ANKRD55: variants seen among roughly 807,000 people sequenced by gnomAD.
ANKRD55 encodes ankyrin repeat domain 55.
In ANKRD55, 41 loss-of-function variants were observed where a neutral mutation model predicts 60.6. The observed-to-expected ratio is 0.68, with a 90% CI of 0.53 to 0.88. The LOEUF (loss-of-function observed/expected upper bound fraction) is 0.88. Among genes scored for constraint, ANKRD55 ranks in the 40% least tolerant of loss-of-function variants. ANKRD55 has a pLI of 0.00. For missense variants in ANKRD55, 732 were observed against 767.6 expected (o/e 0.95, Z 0.55); for synonymous variants, 264 against 290.3 (o/e 0.91, Z 0.92).
chr5:56,153,564 G>T lies in ANKRD55; in HGVS notation c.483+6269C>A, dbSNP rs372316596. ...TTAAAAGGAATGAGCCACAGGCTGG[G>T]TGCCGTGGCTCACGCCTGTAATCCC... is the stretch of plus-strand genomic sequence containing the variant. On this transcript the variant is annotated intron_variant, in intron 6 of 11. Transcript: ENST00000341048. Among the ~76,000 whole-genome samples the T allele has an allele frequency of 2.8e-3, 425 of 152,312 alleles. 3 individuals are homozygous for T. Among genetic ancestry groups the T allele is most frequent in the African/African-American group, 1.0e-2 (414 of 41,564 alleles).
At chr5:56,129,026 A>G (rs747757759) in intron 7 of ANKRD55, among the ~76,000 whole-genome samples, 2 of 152,220 alleles carry the variant, frequency 1.3e-5, no homozygotes, top group South Asian at 2.1e-4. Context: ...AGTTTCTCCT[A>G]GTAAGGTTTC....
chr5:56,139,085 C>CGG (rs70995775), intron 7 of ANKRD55, among the ~76,000 whole-genome samples: 64 of 89,732 alleles, frequency 7.1e-4, no homozygotes, highest in East Asian at 3.4e-3. Context: ...GTCAGTGGGG[C>CGG]GGGGGGGCAG....
Position 56,143,793 on chromosome 5 carries a change from T to G in ANKRD55, c.612+8A>C. The G allele has an allele frequency of 6.2e-7, 1 of 1,614,192 alleles. No homozygotes were observed. Among genetic ancestry groups the G allele is most frequent in the South Asian group, 1.1e-5 (1 of 91,068 alleles). On this transcript the variant is annotated splice_region_variant and intron_variant, in intron 7 of 11. Transcript: ENST00000341048. ...AACCTGAGACCAGTCCACAGGTCAA[T>G]TTCTCACCTGGACTGCCCAGTGGAG...
rs1757503283 is a variant in ANKRD55 at position 56,134,506 on chromosome 5, G to C, written c.613-7400C>G. On this transcript the variant is annotated intron_variant, in intron 7 of 11. Transcript: ENST00000341048. ...GGGCAAGAGAATTGCTTGAACCCGG[G>C]AGTTGGAGGTTGCAGTGAGCCGAGA... Among the ~76,000 whole-genome samples, 2 of 119,390 alleles carry C rather than the reference G, an allele frequency of 1.7e-5. 1 individual carries two copies. The highest frequency in any genetic ancestry group is 5.6e-5 in the African/African-American group (2 of 35,964). 78.3% of individuals were successfully genotyped at this position (119,390 alleles called of 152,430 possible). A position where few individuals can be genotyped will look rare whatever the true frequency, so the allele number is the denominator to read the frequency against.
chr5:56,110,254 C>A (rs946017492), intron 10 of ANKRD55, among the ~76,000 whole-genome samples: 3 of 149,614 alleles, frequency 2.0e-5, no homozygotes, highest in Admixed American at 2.0e-4. Context: ...AAAAAAATAG[C>A]CAGATGTAGC....
At chr5:56,225,683 A>G (rs897793479) in intron 2 of ANKRD55, among the ~76,000 whole-genome samples, 2 of 152,206 alleles carry the variant, frequency 1.3e-5, no homozygotes, top group African/African-American at 2.4e-5. Context: ...ATTCTTATAC[A>G]CCAACAACAG....
rs71602938 is a variant in ANKRD55 at position 56,106,420 on chromosome 5, C to CTTTTTTTTTTTTTTTTTTTTT, written c.1631-3855_1631-3835dup. On this transcript the variant is annotated intron_variant, in intron 10 of 11. Coordinates refer to ENST00000341048, the MANE Select transcript of ANKRD55 (RefSeq NM_024669.3). Reference sequence around the variant, plus strand: ...AATAAAATCCGTAAGGCTAGGAAAGCTTTTTTTTTTTTTTTTTTTTTTTGA... The same window carrying CTTTTTTTTTTTTTTTTTTTTT: ...AATAAAATCCGTAAGGCTAGGAAAGCTTTTTTTTTTTTTTTTTTTTTTTTTTTTTTTTTTTTTTTTTTTTGA... 8.0e-4 allele frequency among the ~76,000 whole-genome samples: 78 copies of CTTTTTTTTTTTTTTTTTTTTT among 96,912 alleles called. 9 individuals carry two copies. The highest frequency in any genetic ancestry group is 3.6e-3 in the African/African-American group (61 of 17,136). 63.6% of individuals were successfully genotyped at this position (96,912 alleles called of 152,430 possible).
At chr5:56,179,768 C>T (rs889104272) in intron 3 of ANKRD55, among the ~76,000 whole-genome samples, 1 of 152,154 alleles carries the variant, frequency 6.6e-6, no homozygotes, top group South Asian at 2.1e-4. Context: ...GAAACTTAGC[C>T]ACTTCGAGAC....
chr5:56,105,682 T>G (rs1756439446), intron 10 of ANKRD55, among the ~76,000 whole-genome samples: 1 of 152,196 alleles, frequency 6.6e-6, no homozygotes, highest in African/African-American at 2.4e-5. Flanking sequence ...CCGTGAGGTC[T>G]GACCATGCCG....
In ANKRD55 at chr5:56,143,259, T is replaced by C. The variant is rs1757816483; in HGVS notation, c.612+542A>G. On this transcript the variant is annotated intron_variant, in intron 7 of 11. Coordinates refer to ENST00000341048, the MANE Select transcript of ANKRD55 (RefSeq NM_024669.3). Reference sequence around the variant, plus strand: ...TCGGTTACACATTAGTGATTATTATTCTTTCACCTTACTCTTGGTTTTGCC... The same window carrying C: ...TCGGTTACACATTAGTGATTATTATCCTTTCACCTTACTCTTGGTTTTGCC... Among the ~76,000 whole-genome samples, 5 of 152,350 alleles carry C rather than the reference T, an allele frequency of 3.3e-5. No individual in the cohort carries two copies. In the South Asian group the frequency reaches 1.0e-3, roughly 32 times the overall value.
chr5:56,219,846 T>G lies in ANKRD55; in HGVS notation c.58+13010A>C, dbSNP rs75611225. Among the ~76,000 whole-genome samples the G allele has an allele frequency of 6.7e-3, 1,021 of 152,360 alleles. 7 individuals are homozygous for G. The highest frequency in any genetic ancestry group is 0.024 in the African/African-American group (999 of 41,588). On this transcript the variant is annotated intron_variant, in intron 2 of 11. Coordinates refer to ENST00000341048, the MANE Select transcript of ANKRD55 (RefSeq NM_024669.3). Reference sequence around the variant, plus strand: ...TTGTAATAAAAAAACAGCTACAAGCTTATTGTAGTTTCTTTTAGATTCCAT... The same window carrying G: ...TTGTAATAAAAAAACAGCTACAAGCGTATTGTAGTTTCTTTTAGATTCCAT...
chr5:56,176,136 A>AGG lies in ANKRD55; in HGVS notation c.312+14_312+15dup. On this transcript the variant is annotated intron_variant, in intron 4 of 11. Coordinates refer to ENST00000341048, the MANE Select transcript of ANKRD55 (RefSeq NM_024669.3). Reference sequence around the variant, plus strand: ...TACCCTGCTCCTTCCACCCTGTGACAGGCACAAGTCAGTACCAGGTAGGTG... The same window carrying AGG: ...TACCCTGCTCCTTCCACCCTGTGACAGGGGCACAAGTCAGTACCAGGTAGGTG... 6.2e-7 allele frequency: 1 copy of AGG among 1,614,040 alleles called. No individual in the cohort carries two copies. The highest frequency in any genetic ancestry group is 8.5e-7 in the Non-Finnish European group (1 of 1,179,932).
chr5:56,120,407 C>T (rs994606291), intron 8 of ANKRD55, among the ~76,000 whole-genome samples: 5 of 152,186 alleles, frequency 3.3e-5, no homozygotes, highest in Non-Finnish European at 7.4e-5. Context: ...TCGCCTCTTT[C>T]CCCTATTTAA....
intron 2 of ANKRD55, among the ~76,000 whole-genome samples, chr5:56,212,763 TGTG>T (rs1759708042): frequency 6.6e-6 from 1 of 152,230 alleles, no homozygotes; most frequent in African/African-American, 2.4e-5. Flanking sequence ...TCAACCACTA[TGTG>T]GCACTGACCA....
intron 2 of ANKRD55, among the ~76,000 whole-genome samples, chr5:56,216,170 T>C (rs1759803283): frequency 6.6e-6 from 1 of 152,036 alleles, no homozygotes; most frequent in Non-Finnish European, 1.5e-5. Context: ...TATATATTAT[T>C]ATCATATCTG....
intron 2 of ANKRD55, among the ~76,000 whole-genome samples, chr5:56,214,478 C>G (rs952555415): frequency 7.2e-5 from 11 of 152,208 alleles, no homozygotes; most frequent in African/African-American, 2.7e-4. Context: ...GATCCTATAA[C>G]CCACACCAAC....
At chr5:56,183,725 C>G in intron 2 of ANKRD55, 91 bp from the exon 3 acceptor site, 1 of 1,518,692 alleles carries the variant, frequency 6.6e-7, no homozygotes. Context: ...ACAAGTGATT[C>G]ATTAAAACTT....
Position 56,100,298 on chromosome 5 carries a change from G to A in ANKRD55, c.1730C>T (p.Ser577Phe). The change falls in exon 12 of 12, where the codon TCT (serine) becomes TTT (phenylalanine). Residue 577 changes from serine to phenylalanine, a missense_variant. Transcript: ENST00000341048. Reference sequence around the variant, plus strand: ...TCGGTTTGTCCGCAGAGGTTCTCCAGATAGAACTGGGAAGAAAGAATAGAA... The same window carrying A: ...TCGGTTTGTCCGCAGAGGTTCTCCAAATAGAACTGGGAAGAAAGAATAGAA... ...LAPLPDQKFLSGEPLRTNRVL... is the reference protein window; with the variant it reads ...LAPLPDQKFLFGEPLRTNRVL... 6.2e-7 allele frequency: 1 copy of A among 1,614,194 alleles called. No homozygotes were observed. The highest frequency in any genetic ancestry group is 1.1e-5 in the South Asian group (1 of 91,082).
At chr5:56,215,820 A>C (rs188059510) in intron 2 of ANKRD55, among the ~76,000 whole-genome samples, 70 of 152,296 alleles carry the variant, frequency 4.6e-4, no homozygotes, top group African/African-American at 1.6e-3. Context: ...TGCCTGGTAC[A>C]TGGGAACTGC....
Sources: gnomAD v4.1 joint callset for allele counts (sites outside exome capture counted in the v4.1 genomes callset) on GRCh38, gnomAD v4.1.1 for gene constraint, MANE v1.5 for transcripts, NCBI Gene and HGNC (gene_info 2026-07-23, HGNC 2026-07-21) for gene names.